Variants in TSNARE1 observed in about 807,000 individuals in gnomAD.
The protein encoded by TSNARE1 is t-SNARE domain-containing protein 1.
TSNARE1 carries 49 observed loss-of-function variants against 62.0 expected under a neutral mutation model. The observed-to-expected ratio is 0.79, with a 90% CI of 0.63 to 1.00. TSNARE1 has a LOEUF of 1.00. TSNARE1 is among the 50% of genes least tolerant of loss of function. The pLI is 0.00. For synonymous variants in TSNARE1, 328 were observed against 294.4 expected (o/e 1.11, Z -1.17); for missense variants, 755 against 700.1 (o/e 1.08, Z -0.88).
intron 12 of TSNARE1, chr8:142,273,496 G>C: frequency 1.0e-6 from 1 of 985,438 alleles, no homozygotes; most frequent in Non-Finnish European, 1.2e-6. Flanking sequence ...GGCGCCAGGA[G>C]ACCCAGCCCC....
intron 12 of TSNARE1, among the ~76,000 whole-genome samples, chr8:142,267,040 C>A (rs1586902244): frequency 6.6e-6 from 1 of 152,314 alleles, no homozygotes; most frequent in East Asian, 1.9e-4. Flanking sequence ...TCTTATTGCT[C>A]ATTTTTGTGA....
chr8:142,265,992 T>C (rs1038636313), intron 12 of TSNARE1, among the ~76,000 whole-genome samples: 8 of 152,254 alleles, frequency 5.3e-5, no homozygotes, highest in African/African-American at 1.9e-4. Context: ...TTTGCAAATA[T>C]ATTCTACTAG....
rs185806524 is a variant in TSNARE1 at position 142,253,404 on chromosome 8, A to C, written c.1446+21377T>G. 4.0e-3 allele frequency among the ~76,000 whole-genome samples: 606 copies of C among 152,298 alleles called. 6 individuals are homozygous for C. Among genetic ancestry groups the C allele is most frequent in the Middle Eastern group, 6.8e-3 (2 of 294 alleles). On this transcript the variant is annotated intron_variant, in intron 12 of 13. Coordinates refer to ENST00000524325, the MANE Select transcript of TSNARE1 (RefSeq NM_145003.5). ...TGAGGCCTTCCTGATTGCCACCCTG[A>C]GGGTGCAGTCACCCCCGAGTCACCA...
chr8:142,325,259 G>A (rs1235062110), intron 6 of TSNARE1, among the ~76,000 whole-genome samples: 1 of 152,192 alleles, frequency 6.6e-6, no homozygotes, highest in Non-Finnish European at 1.5e-5. Context: ...ACAGTTGTCA[G>A]GGTCATGCTG....
intron 9 of TSNARE1, among the ~76,000 whole-genome samples, chr8:142,308,230 C>CTT (rs1827005228): frequency 6.6e-6 from 1 of 152,142 alleles, no homozygotes. Context: ...GTGTGTCGAC[C>CTT]TTCTCCTTTG....
chr8:142,278,392 T>G, intron 11 of TSNARE1: 2 of 985,462 alleles, frequency 2.0e-6, no homozygotes, highest in Non-Finnish European at 2.4e-6. Flanking sequence ...TGGGTCCTTC[T>G]GTCCACTCTG....
At chr8:142,345,933 G>C in intron 2 of TSNARE1, 41 bp from the exon 3 acceptor site, 2 of 1,585,720 alleles carry the variant, frequency 1.3e-6, no homozygotes, top group Non-Finnish European at 8.6e-7. Flanking sequence ...TCTCAGCTCA[G>C]GGCGCTCCTG....
intron 1 of TSNARE1, among the ~76,000 whole-genome samples, chr8:142,400,641 G>A (rs1399589838): frequency 1.3e-5 from 2 of 152,210 alleles, no homozygotes; most frequent in South Asian, 2.1e-4. Flanking sequence ...TTGGGAGGCT[G>A]AGGCAGGACT....
At chr8:142,354,066 C>T (rs943288946) in intron 2 of TSNARE1, among the ~76,000 whole-genome samples, 2 of 152,008 alleles carry the variant, frequency 1.3e-5, no homozygotes, top group African/African-American at 2.4e-5. Context: ...AGAGCAGGAG[C>T]GGGGGGTTAC....
intron 1 of TSNARE1, among the ~76,000 whole-genome samples, chr8:142,389,272 T>G (rs1471900492): frequency 6.6e-6 from 1 of 152,132 alleles, no homozygotes; most frequent in Non-Finnish European, 1.5e-5. Flanking sequence ...AGACAACCAT[T>G]TAGTCCTAAA....
intron 12 of TSNARE1, among the ~76,000 whole-genome samples, chr8:142,256,152 T>C (rs1310046331): frequency 9.4e-3 from 146 of 15,610 alleles, no homozygotes; most frequent in East Asian, 0.014. Flanking sequence ...CCACCACCAC[T>C]GTCACCATCA....
intron 7 of TSNARE1, among the ~76,000 whole-genome samples, chr8:142,317,437 G>T (rs569218957): frequency 6.7e-6 from 1 of 150,016 alleles, no homozygotes; most frequent in South Asian, 2.1e-4. Context: ...TACACATCAA[G>T]CGGGTGTGGG....
intron 12 of TSNARE1, among the ~76,000 whole-genome samples, chr8:142,260,840 C>A (rs1586885750): frequency 6.7e-6 from 1 of 149,414 alleles, no homozygotes; most frequent in Admixed American, 6.6e-5. Context: ...GGGAGGGAGA[C>A]CACAGGGCAG....
chr8:142,365,599 C>T (rs1835476473), intron 1 of TSNARE1, among the ~76,000 whole-genome samples: 1 of 119,754 alleles, frequency 8.4e-6, no homozygotes, highest in Non-Finnish European at 1.7e-5. Flanking sequence ...AACACATGCA[C>T]ACGCACACAC....
intron 13 of TSNARE1, among the ~76,000 whole-genome samples, chr8:142,222,166 C>A (rs200997654): frequency 8.9e-5 from 1 of 11,232 alleles, no homozygotes; most frequent in Non-Finnish European, 1.8e-4. Flanking sequence ...ATCCACTCAT[C>A]CACTCACTCA....
intron 12 of TSNARE1, among the ~76,000 whole-genome samples, chr8:142,252,334 C>T (rs979808612): frequency 2.6e-5 from 4 of 152,184 alleles, no homozygotes; most frequent in African/African-American, 9.7e-5. Flanking sequence ...GGTACCAGGG[C>T]ACTGGCTCTG....
chr8:142,219,815 C>T (rs1418843570), intron 13 of TSNARE1, among the ~76,000 whole-genome samples: 1 of 152,238 alleles, frequency 6.6e-6, no homozygotes, highest in African/African-American at 2.4e-5. Context: ...CCCGGCCTCC[C>T]AGCCTCCTTC....
intron 9 of TSNARE1, among the ~76,000 whole-genome samples, chr8:142,301,850 C>T (rs1287621736): frequency 6.6e-6 from 1 of 152,196 alleles, no homozygotes; most frequent in African/African-American, 2.4e-5. Context: ...GACACTGAGG[C>T]AGAGCGAGGT....
At chr8:142,405,119 C>T (rs1225679575), upstream of TSNARE1, 1 of 152,260 alleles carries the variant, frequency 6.6e-6, no homozygotes, top group African/African-American at 2.4e-5. Flanking sequence ...GAAGGTAAAC[C>T]TCTCCGTGGA....
Sources: allele counts gnomAD v4.1 joint callset (sites outside exome capture counted in the v4.1 genomes callset), GRCh38; gene constraint gnomAD v4.1.1; transcripts MANE v1.5; gene names NCBI Gene and HGNC (gene_info 2026-07-23, HGNC 2026-07-21).